Variants in ZYG11B observed in about 807,000 individuals in gnomAD.
ZYG11B encodes zyg-11 family member B, cell cycle regulator.
In ZYG11B, 36 loss-of-function variants were observed where a neutral mutation model predicts 82.4. That is an observed-to-expected ratio of 0.44 (90% CI 0.33 to 0.58). ZYG11B has a LOEUF of 0.58. ZYG11B is among the 20% of genes least tolerant of loss of function. The probability of loss-of-function intolerance (pLI) is 0.02; values close to 1 mark genes in which losing one functional copy is unlikely to be tolerated. For synonymous variants in ZYG11B, 303 were observed against 312.8 expected (o/e 0.97, Z 0.33); for missense variants, 552 against 895.6 (o/e 0.62, Z 4.90).
Position 52,771,779 on chromosome 1 carries a change from G to C in ZYG11B, c.951+5G>C. 1 of 1,598,986 alleles carries C rather than the reference G, an allele frequency of 6.3e-7. No homozygotes were observed. Among genetic ancestry groups the C allele is most frequent in the South Asian group, 1.1e-5 (1 of 89,488 alleles). On this transcript the variant is annotated splice_donor_5th_base_variant and intron_variant, in intron 3 of 13. Coordinates refer to ENST00000294353, the MANE Select transcript of ZYG11B (RefSeq NM_024646.3). The surrounding 1 kb of genome is among the most constrained non-coding windows in gnomAD (Gnocchi z 5.4). ...ACAGGCGAAGGACATTTGAAGGTTA[G>C]ACTTTAAAAATGTATTATTTTGTCA...
In ZYG11B at chr1:52,812,836, C is replaced by T. The variant is rs141448173; in HGVS notation, c.1696-700C>T. ...CTGCCTCCCGGGTTTAGGTGACTCT[C>T]GTGCCTCAGCCTCCCAAGTAGCTGA... On this transcript the variant is annotated intron_variant, in intron 10 of 13. Transcript: ENST00000294353. 9.2e-5 allele frequency among the ~76,000 whole-genome samples: 14 copies of T among 152,030 alleles called. No individual in the cohort carries two copies. In the East Asian group the frequency reaches 1.6e-3, roughly 17 times the overall value.
At chr1:52,783,894 ACG>A (rs1491555889) in intron 4 of ZYG11B, among the ~76,000 whole-genome samples, 17 of 149,688 alleles carry the variant, frequency 1.1e-4, no homozygotes, top group African/African-American at 4.3e-4. Context: ...ATGTACATAC[ACG>A]TGTGTGTATA....
At chr1:52,816,196 T>C (rs1393948597) in intron 12 of ZYG11B, among the ~76,000 whole-genome samples, 2 of 152,232 alleles carry the variant, frequency 1.3e-5, no homozygotes, top group Non-Finnish European at 2.9e-5. Flanking sequence ...AGTGTTCTAC[T>C]AGTTAGTTAT....
intron 5 of ZYG11B, among the ~76,000 whole-genome samples, chr1:52,786,225 A>G (rs889802995): frequency 1.3e-5 from 2 of 152,178 alleles, no homozygotes; most frequent in Non-Finnish European, 1.5e-5. Flanking sequence ...ATGAGAAAGG[A>G]TGCATATAAA....
chr1:52,769,317 T>TA (rs1281985433), intron 2 of ZYG11B, among the ~76,000 whole-genome samples: 3 of 152,094 alleles, frequency 2.0e-5, no homozygotes, highest in Admixed American at 1.3e-4. Context: ...GGTGGCCACA[T>TA]AAAAAAATAA....
intron 2 of ZYG11B, among the ~76,000 whole-genome samples, chr1:52,767,554 C>T (rs545625841): frequency 2.0e-5 from 3 of 152,234 alleles, no homozygotes; most frequent in South Asian, 4.1e-4. Flanking sequence ...CCATCCGCCT[C>T]GGCCTCCCAA....
At chr1:52,743,199 G>A (rs1414553221) in intron 1 of ZYG11B, among the ~76,000 whole-genome samples, 1 of 151,920 alleles carries the variant, frequency 6.6e-6, no homozygotes, top group Non-Finnish European at 1.5e-5. Context: ...ACTCCATTTG[G>A]TTCTGAGATT....
At chr1:52,791,227 C>T (rs1363348503) in intron 6 of ZYG11B, among the ~76,000 whole-genome samples, 3 of 152,094 alleles carry the variant, frequency 2.0e-5, no homozygotes, top group Non-Finnish European at 4.4e-5. Flanking sequence ...CCCACCTCAG[C>T]CTCCCAAAGT....
intron 13 of ZYG11B, 35 bp from the exon 14 acceptor site, chr1:52,821,404 C>T: frequency 2.0e-6 from 3 of 1,520,846 alleles, no homozygotes; most frequent in Middle Eastern, 1.8e-4. Context: ...AAAGCTATTT[C>T]TCCTGTTTTG....
chr1:52,772,273 G>A lies in ZYG11B; in HGVS notation c.951+499G>A, dbSNP rs1322612546. 4.5e-6 allele frequency: 6 copies of A among 1,322,164 alleles called. No individual in the cohort carries two copies. In the South Asian group the frequency reaches 5.9e-5, roughly 13 times the overall value. The allele number at this position is 1,322,164 out of a possible 1,614,324, so 81.9% of individuals were successfully genotyped here. ...GACTCGCTTGGTCTTATAATATTGA[G>A]CCAAACGGTGAATCTGGCTCTCTAT... On this transcript the variant is annotated intron_variant, in intron 3 of 13. Coordinates refer to ENST00000294353, the MANE Select transcript of ZYG11B (RefSeq NM_024646.3).
At chr1:52,727,387 G>T (rs1347264820) in intron 1 of ZYG11B, among the ~76,000 whole-genome samples, 5 of 152,158 alleles carry the variant, frequency 3.3e-5, no homozygotes, top group Non-Finnish European at 7.3e-5. Flanking sequence ...TAGTGTCATT[G>T]CAAAATCGAA....
At chr1:52,821,373 T>G (rs1410773626) in intron 13 of ZYG11B, 66 bp from the exon 14 acceptor site, 4 of 1,471,668 alleles carry the variant, frequency 2.7e-6, no homozygotes, top group Non-Finnish European at 3.6e-6. Context: ...TTTTGTGGAA[T>G]AATTTTCAAG....
At chr1:52,800,259 G>C (rs895336420) in intron 8 of ZYG11B, among the ~76,000 whole-genome samples, 7 of 145,486 alleles carry the variant, frequency 4.8e-5, no homozygotes, top group Admixed American at 1.4e-4. Context: ...CTGAGTGATA[G>C]AGTGAGATTC....
At chr1:52,784,738 C>T in intron 4 of ZYG11B, 139 bp from the exon 5 acceptor site, 1 of 896,722 alleles carries the variant, frequency 1.1e-6, no homozygotes, top group Non-Finnish European at 1.7e-6. Context: ...ACTGCTATAT[C>T]CTAGGCTCTT....
At chr1:52,776,164 A>G (rs1437452537) in intron 3 of ZYG11B, among the ~76,000 whole-genome samples, 2 of 143,082 alleles carry the variant, frequency 1.4e-5, no homozygotes, top group African/African-American at 5.2e-5. Context: ...GGTTGTGGTG[A>G]ACCAAGATGG....
intron 8 of ZYG11B, among the ~76,000 whole-genome samples, chr1:52,799,323 T>A (rs1053911459): frequency 1.3e-5 from 2 of 151,594 alleles, no homozygotes; most frequent in Non-Finnish European, 2.9e-5. Flanking sequence ...CCGTCTCTAC[T>A]AAAAATACAA....
chr1:52,754,832 C>G (rs1443934898), intron 1 of ZYG11B, among the ~76,000 whole-genome samples: 1 of 152,084 alleles, frequency 6.6e-6, no homozygotes, highest in Non-Finnish European at 1.5e-5. Context: ...ACAATCTTAG[C>G]TCTACTATTT....
chr1:52,787,851 A>T (rs1439214489), intron 5 of ZYG11B, among the ~76,000 whole-genome samples: 1 of 152,154 alleles, frequency 6.6e-6, no homozygotes, highest in African/African-American at 2.4e-5. Context: ...CAAATACTGT[A>T]AACTATTTTG....
At chr1:52,804,883 G>A (rs1409625142) in intron 10 of ZYG11B, among the ~76,000 whole-genome samples, 1 of 151,996 alleles carries the variant, frequency 6.6e-6, no homozygotes, top group Non-Finnish European at 1.5e-5. Context: ...CCTGAGGTCG[G>A]GAGTTCGAGA....
Sources: allele counts gnomAD v4.1 joint callset (sites outside exome capture counted in the v4.1 genomes callset), GRCh38; gene constraint gnomAD v4.1.1; non-coding constraint Gnocchi (gnomAD v3.1); transcripts MANE v1.5; gene names NCBI Gene and HGNC (gene_info 2026-07-23, HGNC 2026-07-21).